The following RORB variants were observed in gnomAD, a reference collection of about 807,000 sequenced individuals.
RORB encodes nuclear receptor ROR-beta.
Under a neutral mutation model 59.1 loss-of-function variants are expected in RORB, and 6 were observed. The ratio of observed to expected loss-of-function variants is 0.10; its 90% CI spans 0.06 to 0.20. RORB has a LOEUF of 0.20. RORB is among the 10% of genes least tolerant of loss of function. RORB has a pLI of 1.00. For missense variants in RORB, 320 were observed against 560.5 expected (o/e 0.57, Z 4.33); for synonymous variants, 215 against 204.5 (o/e 1.05, Z -0.44).
chr9:74,579,371 T>G lies in RORB; in HGVS notation c.8-50911T>G, dbSNP rs374454220. On this transcript the variant is annotated intron_variant, in intron 1 of 9. Coordinates refer to ENST00000376896, the MANE Select transcript of RORB (RefSeq NM_006914.4). ...CTTTCACAGTTTTATATTTCTTTCT[T>G]TTTTTTCTATTTGTCTGTTTTAAGT... Among the ~76,000 whole-genome samples, 10 of 152,238 alleles carry G rather than the reference T, an allele frequency of 6.6e-5. No homozygotes were observed. The East Asian group carries it at 1.5e-3, about 24-fold the overall frequency.
chr9:74,547,266 G>A lies in RORB; in HGVS notation c.7+49283G>A, dbSNP rs188645988. Among the ~76,000 whole-genome samples, 153 of 152,264 alleles carry A rather than the reference G, an allele frequency of 1.0e-3. 1 individual carries two copies. Among genetic ancestry groups the A allele is most frequent in the African/African-American group, 3.6e-3 (148 of 41,548 alleles). Reference sequence around the variant, plus strand: ...GAAGAGATGGGATCTGAGGTGTCAGGAACCTGGCTTTAAATAAGGTGGTGG... The same window carrying A: ...GAAGAGATGGGATCTGAGGTGTCAGAAACCTGGCTTTAAATAAGGTGGTGG... On this transcript the variant is annotated intron_variant, in intron 1 of 9. Transcript: ENST00000376896.
intron 1 of RORB, among the ~76,000 whole-genome samples, chr9:74,537,310 A>AT (rs1355694863): frequency 6.6e-6 from 1 of 152,104 alleles, no homozygotes; most frequent in Non-Finnish European, 1.5e-5. Context: ...GTAATAACGT[A>AT]TTAAGCATCT....
At chr9:74,641,982 A>G (rs1823814472) in intron 3 of RORB, among the ~76,000 whole-genome samples, 1 of 152,176 alleles carries the variant, frequency 6.6e-6, no homozygotes. Flanking sequence ...GTGAAATACT[A>G]GGGTCCAATC....
chr9:74,520,102 G>A (rs1382112876), intron 1 of RORB, among the ~76,000 whole-genome samples: 5 of 151,634 alleles, frequency 3.3e-5, no homozygotes, highest in Non-Finnish European at 7.4e-5. Flanking sequence ...TTTCGCAGAC[G>A]ATGAAGAAAG....
intron 1 of RORB, among the ~76,000 whole-genome samples, chr9:74,628,016 A>G (rs1823549005): frequency 6.6e-6 from 1 of 152,182 alleles, no homozygotes; most frequent in African/African-American, 2.4e-5. Context: ...TCTACATAAA[A>G]TATCTGTTTG....
chr9:74,530,516 G>T (rs961877385), intron 1 of RORB, among the ~76,000 whole-genome samples: 1 of 151,952 alleles, frequency 6.6e-6, no homozygotes, highest in African/African-American at 2.4e-5. Flanking sequence ...AAATTGTCAC[G>T]CTGACATTTA....
At chr9:74,609,234 G>A (rs191208913) in intron 1 of RORB, among the ~76,000 whole-genome samples, 31 of 152,284 alleles carry the variant, frequency 2.0e-4, no homozygotes, top group Admixed American at 2.0e-3. Flanking sequence ...ATTTACAAAT[G>A]AGGAAACAAA....
intron 1 of RORB, among the ~76,000 whole-genome samples, chr9:74,613,074 A>T (rs1201128632): frequency 2.0e-5 from 3 of 152,212 alleles, no homozygotes. Flanking sequence ...ATTAATTAAT[A>T]AATATTGAAA....
intron 1 of RORB, among the ~76,000 whole-genome samples, chr9:74,507,341 TA>T (rs747124221): frequency 8.2e-4 from 125 of 152,248 alleles, no homozygotes; most frequent in Non-Finnish European, 1.4e-3. Context: ...ACAATCTTAT[TA>T]AATAGGATCA....
chr9:74,581,384 G>A (rs1393831340), intron 1 of RORB, among the ~76,000 whole-genome samples: 1 of 152,134 alleles, frequency 6.6e-6, no homozygotes, highest in Non-Finnish European at 1.5e-5. Context: ...CAGTTTCAGG[G>A]GGAAAATGGG....
In RORB at chr9:74,642,644, T is replaced by C; in HGVS notation, c.466T>C (p.Tyr156His). 1 of 1,614,236 alleles carries C rather than the reference T, an allele frequency of 6.2e-7. No homozygotes were observed. Among genetic ancestry groups the C allele is most frequent in the Non-Finnish European group, 8.5e-7 (1 of 1,180,040 alleles). ...VIDLPKSEGYYNVDSGQPSPD... is the reference protein window; with the variant it reads ...VIDLPKSEGYHNVDSGQPSPD... ...TGACCTGCCCAAGTCTGAGGGTTATTACAACGTCGATTCCGGTCAGCCGTC... is the reference window on the plus strand; with the variant it reads ...TGACCTGCCCAAGTCTGAGGGTTATCACAACGTCGATTCCGGTCAGCCGTC... The change falls in exon 4 of 10, where the codon TAC (tyrosine) becomes CAC (histidine). Residue 156 changes from tyrosine to histidine, a missense_variant. Tyr to His is a moderately conservative substitution (Grantham distance 83). Around this residue, in one of 4 missense-constraint regions of RORB, gnomAD observed 134 missense variants for 156.2 expected, o/e 0.86. Transcript: ENST00000376896.
chr9:74,625,152 T>C (rs2118398782), intron 1 of RORB, among the ~76,000 whole-genome samples: 1 of 152,378 alleles, frequency 6.6e-6, no homozygotes. Context: ...GGCCTGTCCC[T>C]GGGTTTTTCC....
At chr9:74,620,717 A>G (rs1587389079) in intron 1 of RORB, among the ~76,000 whole-genome samples, 1 of 152,188 alleles carries the variant, frequency 6.6e-6, no homozygotes, top group African/African-American at 2.4e-5. Context: ...ACTGCTTTAA[A>G]TGTGTCCTAG....
At chr9:74,614,508 T>C (rs912617829) in intron 1 of RORB, among the ~76,000 whole-genome samples, 4 of 152,168 alleles carry the variant, frequency 2.6e-5, no homozygotes, top group Non-Finnish European at 5.9e-5. Context: ...TGTTAATTTA[T>C]TCCACTATAG....
chr9:74,522,429 A>C (rs1393126053), intron 1 of RORB, among the ~76,000 whole-genome samples: 1 of 151,752 alleles, frequency 6.6e-6, no homozygotes. Context: ...CAACTAACCA[A>C]AATTATTCTA....
intron 1 of RORB, among the ~76,000 whole-genome samples, chr9:74,588,025 A>G (rs1326889313): frequency 6.6e-6 from 1 of 152,182 alleles, no homozygotes; most frequent in African/African-American, 2.4e-5. Context: ...CCTTTCACAC[A>G]TGGCTCTTAG....
chr9:74,535,936 A>G (rs1826316334), intron 1 of RORB, among the ~76,000 whole-genome samples: 1 of 152,022 alleles, frequency 6.6e-6, no homozygotes, highest in Non-Finnish European at 1.5e-5. Context: ...TCTATAAATT[A>G]TGGATATAAG....
At position 74,691,961 on chromosome 9, in the gene RORB, A is replaced by G. The variant is rs1824747056; in HGVS notation, c.*6343A>G. 6.6e-6 allele frequency: 1 copy of G among 152,240 alleles called. No homozygotes were observed. Among genetic ancestry groups the G allele is most frequent in the Non-Finnish European group, 1.5e-5 (1 of 68,044 alleles). 9.4% of individuals were successfully genotyped at this position (152,240 alleles called of 1,614,324 possible). ...AAATACGAAAAAGGAAAATTAAAAA[A>G]AAAAGTTGCCTGAGTTAAGTCATCT... is the stretch of plus-strand genomic sequence containing the variant. On this transcript the variant is annotated 3_prime_UTR_variant, in exon 10 of 10. Transcript: ENST00000376896.
chr9:74,635,212 C>A (rs1823681287), intron 3 of RORB, among the ~76,000 whole-genome samples: 1 of 152,164 alleles, frequency 6.6e-6, no homozygotes, highest in Non-Finnish European at 1.5e-5. Context: ...ATTGCATATG[C>A]CTCTATGGGA....
Sources: gnomAD v4.1 joint callset for allele counts (sites outside exome capture counted in the v4.1 genomes callset) on GRCh38, gnomAD v4.1.1 for gene constraint, gnomAD v4.1.1 regional missense constraint, MANE v1.5 for transcripts, NCBI Gene and HGNC (gene_info 2026-07-23, HGNC 2026-07-21) for gene names.